The following GBX1 variants were observed in gnomAD, a reference collection of about 807,000 sequenced individuals.
The protein encoded by GBX1 is homeobox protein GBX-1.
A neutral mutation model predicts 22.9 loss-of-function variants in GBX1; 9 were observed. The observed-to-expected ratio is 0.39, with a 90% CI of 0.24 to 0.69. The LOEUF is 0.69. Ranked by LOEUF, GBX1 falls within the 30% of genes least tolerant of loss-of-function variation. The pLI, the probability that GBX1 is intolerant of heterozygous loss-of-function variation, is 0.43. For synonymous variants in GBX1, 203 were observed against 227.3 expected, an observed-to-expected ratio of 0.89 and a Z score of 0.96; for missense variants, 494 against 509.2, an observed-to-expected ratio of 0.97 and a Z score of 0.29.
rs1481373857 is a variant in GBX1, at chr7:151,148,130, CAG to C, written c.*457_*458del. On this transcript the variant is annotated 3_prime_UTR_variant, in exon 2 of 2. Coordinates refer to ENST00000297537, the MANE Select transcript of GBX1 (RefSeq NM_001098834.3). The surrounding 1 kb of genome is among the most constrained non-coding windows in gnomAD (Gnocchi z 5.1). ...ACTTTCCCAATCCCTCTCAGGGGTG[CAG>C]ACAGACGTACAGAGACAGATAGCTC... Among the ~76,000 whole-genome samples the C allele has an allele frequency of 6.6e-6, 1 of 152,162 alleles. No homozygotes were observed. Among genetic ancestry groups the C allele is most frequent in the Admixed American group, 6.5e-5 (1 of 15,278 alleles).
At position 151,167,483 on chromosome 7, in the gene GBX1, G is replaced by T. The variant is rs1357006748; in HGVS notation, c.66C>A (p.Gly22=). 9 of 1,492,432 alleles carry T rather than the reference G, an allele frequency of 6.0e-6. No homozygotes were observed. Among genetic ancestry groups the T allele is most frequent in the Non-Finnish European group, 7.1e-6 (8 of 1,128,638 alleles). 92.4% of individuals were successfully genotyped at this position (1,492,432 alleles called of 1,614,324 possible). ...TTAGGGAGTCGATGGAGAAGGCAGT[G>T]CCCGGGCCCCCGCCGCCGCCCCCGC... is the stretch of plus-strand genomic sequence containing the variant. ...GNGGGGGGGP[G]TAFSIDSLIG... The change falls in exon 1 of 2, where the codon GGC becomes GGA. Residue 22 remains glycine (G), a synonymous_variant. Transcript: ENST00000297537. This position sits in a 1 kb window ranked among gnomAD's most constrained non-coding sequence, Gnocchi z 5.9.
rs553028204 is a variant in GBX1, at chr7:151,151,041, C to T, written c.539-1899G>A. Among the ~76,000 whole-genome samples the T allele has an allele frequency of 1.3e-3, 196 of 152,302 alleles. 3 individuals carry two copies. Among genetic ancestry groups the T allele is most frequent in the African/African-American group, 4.5e-3 (185 of 41,566 alleles). ...GCCACTGCGCCCAGCTGACATTTTC[C>T]TTAGTGGCCAGAACTCTCAACCTTT... On this transcript the variant is annotated intron_variant, in intron 1 of 1. Coordinates refer to ENST00000297537, the MANE Select transcript of GBX1 (RefSeq NM_001098834.3).
At position 151,154,206 on chromosome 7, in the gene GBX1, C is replaced by T. The variant is rs114769886; in HGVS notation, c.539-5064G>A. ...AGCCTGGGCGACAGAGTCTCTGTCT[C>T]GAAAAAAAAAAGTAAATTTCCAATT... is the stretch of plus-strand genomic sequence containing the variant. On this transcript the variant is annotated intron_variant, in intron 1 of 1. Transcript: ENST00000297537. Among the ~76,000 whole-genome samples, 524 of 147,118 alleles carry T rather than the reference C, an allele frequency of 3.6e-3. 5 individuals carry two copies. Among genetic ancestry groups the T allele is most frequent in the African/African-American group, 0.012 (489 of 39,896 alleles).
In GBX1 at chr7:151,167,358, G is replaced by A; in HGVS notation, c.191C>T (p.Ala64Val). 6.6e-7 allele frequency: 1 copy of A among 1,508,898 alleles called. No homozygotes were observed. The highest frequency in any genetic ancestry group is 2.2e-5 in the Admixed American group (1 of 45,026). The allele number at this position is 1,508,898 out of a possible 1,614,324, so 93.5% of individuals were successfully genotyped here. A position where few individuals can be genotyped will look rare whatever the true frequency, so the allele number is the denominator to read the frequency against. The change falls in exon 1 of 2, where the codon GCG becomes GTG. Residue 64 changes from alanine (A) to valine (V), a missense_variant. By Grantham distance (64) the Ala-to-Val change is moderately conservative. Around this residue, in one of 3 missense-constraint regions of GBX1, gnomAD observed 365 missense variants for 340.4 expected, o/e 1.07. Transcript: ENST00000297537. This position sits in a 1 kb window ranked among gnomAD's most constrained non-coding sequence, Gnocchi z 5.9. ...PLVLPQALAP[A>V]PLPAGLPPLA... ...GGGCGGGAGGCCAGCGGGCAGCGGC[G>A]CAGGGGCCAGCGCCTGCGGCAGCAC...
chr7:151,150,770 G>C (rs1322643483), intron 1 of GBX1, among the ~76,000 whole-genome samples: 1 of 151,968 alleles, frequency 6.6e-6, no homozygotes, highest in Admixed American at 6.6e-5. Context: ...CTCTCACTCT[G>C]TCAGCAAGGC....
intron 1 of GBX1, among the ~76,000 whole-genome samples, chr7:151,165,335 A>T (rs1801237740): frequency 6.6e-6 from 1 of 152,220 alleles, no homozygotes; most frequent in East Asian, 1.9e-4. Context: ...GTTGTCCCAC[A>T]GTTTGGGCAT....
chr7:151,167,619 C>A lies in GBX1; in HGVS notation c.-71G>T. 8.2e-7 allele frequency: 1 copy of A among 1,222,818 alleles called. No individual in the cohort carries two copies. The highest frequency in any genetic ancestry group is 1.0e-6 in the Non-Finnish European group (1 of 986,014). The allele number at this position is 1,222,818 out of a possible 1,614,324, so 75.7% of individuals were successfully genotyped here. A position where few individuals can be genotyped will look rare whatever the true frequency, so the allele number is the denominator to read the frequency against. ...CTCCGTGCGCCCCGCGGCTCGGGCG[C>A]CCCGCGCGGACACGCAGGGCTCGCT... is the stretch of plus-strand genomic sequence containing the variant. On this transcript the variant is annotated 5_prime_UTR_variant, in exon 1 of 2. Transcript: ENST00000297537. This position sits in a 1 kb window ranked among gnomAD's most constrained non-coding sequence, Gnocchi z 5.9.
intron 1 of GBX1, among the ~76,000 whole-genome samples, chr7:151,156,385 C>CA (rs56947735): frequency 0.062 from 980 of 15,862 alleles, 252 homozygotes; most frequent in Non-Finnish European, 0.089. Flanking sequence ...GACCCTGTCT[C>CA]AAAAAAAAAA....
Position 151,167,415 on chromosome 7 carries a change from C to A in GBX1, c.134G>T (p.Gly45Val). 1 of 1,519,746 alleles carries A rather than the reference C, an allele frequency of 6.6e-7. No homozygotes were observed. The allele number at this position is 1,519,746 out of a possible 1,614,324, so 94.1% of individuals were successfully genotyped here. Residue 45 changes from glycine to valine, a missense_variant, in exon 1 of 2, where the codon GGC becomes GTC. This residue lies in a region of GBX1 where 365 missense variants were observed against 340.4 expected (regional missense o/e 1.07). Transcript: ENST00000297537. This position sits in a 1 kb window ranked among gnomAD's most constrained non-coding sequence, Gnocchi z 5.9. ...CCGGTAGGGCATGAACATGGGGTAG[C>A]CGGTGTACAGCAAGTGGCCGGAGCG... ...PPRSGHLLYTGYPMFMPYRPL... is the reference protein window; with the variant it reads ...PPRSGHLLYTVYPMFMPYRPL...
chr7:151,161,328 G>A (rs1801186173), intron 1 of GBX1, among the ~76,000 whole-genome samples: 1 of 152,144 alleles, frequency 6.6e-6, no homozygotes, highest in East Asian at 1.9e-4. Context: ...TGCCACCTTA[G>A]AGACTCTTTC....
At chr7:151,157,189 G>A (rs762888059) in intron 1 of GBX1, among the ~76,000 whole-genome samples, 13 of 150,982 alleles carry the variant, frequency 8.6e-5, no homozygotes, top group Non-Finnish European at 1.9e-4. Context: ...CCAGCTACTC[G>A]GGAGGCTGAG....
intron 1 of GBX1, among the ~76,000 whole-genome samples, chr7:151,151,802 G>C (rs866416305): frequency 6.6e-6 from 1 of 152,094 alleles, no homozygotes; most frequent in African/African-American, 2.4e-5. Context: ...TCTTCTAACT[G>C]GTTTCCCAGC....
intron 1 of GBX1, among the ~76,000 whole-genome samples, chr7:151,160,106 A>G (rs1801174970): frequency 6.6e-6 from 1 of 152,234 alleles, no homozygotes; most frequent in African/African-American, 2.4e-5. Context: ...TTCATTAATA[A>G]AGATATCCTT....
In GBX1 at chr7:151,167,096, A is replaced by G. The variant is rs758863054; in HGVS notation, c.453T>C (p.Asp151=). The change falls in exon 1 of 2, where the codon GAT becomes GAC. Residue 151 remains aspartate (D), a synonymous_variant. Transcript: ENST00000297537. This position sits in a 1 kb window ranked among gnomAD's most constrained non-coding sequence, Gnocchi z 5.9. ...CTTTCTCCCGGGCCGGCAGCAGCTC[A>G]TCAGCTTCCAGCCCACCCTCTGGGC... The part of the protein sequence containing the change: ...GRRPEGGLEA[D]ELLPAREKVA... The G allele has an allele frequency of 6.9e-6, 11 of 1,604,566 alleles. No homozygotes were observed. The highest frequency in any genetic ancestry group is 9.3e-6 in the Non-Finnish European group (11 of 1,176,944).
Position 151,167,240 on chromosome 7 carries a change from G to A in GBX1, c.309C>T (p.Thr103=). 1 of 1,552,016 alleles carries A rather than the reference G, an allele frequency of 6.4e-7. No individual in the cohort carries two copies. The highest frequency in any genetic ancestry group is 2.5e-5 in the East Asian group (1 of 40,550). ...QAVPSMVALT[T]ALPSFAEPPD... is the part of the protein sequence containing the mutation. ...GCGGCTCCGCGAAGCTGGGCAGCGC[G>A]GTGGTCAGCGCCACCATCGAGGGCA... is the stretch of plus-strand genomic sequence containing the variant. Residue 103 remains threonine (T), a synonymous_variant, in exon 1 of 2, where the codon ACC becomes ACT. Transcript: ENST00000297537. This position sits in a 1 kb window ranked among gnomAD's most constrained non-coding sequence, Gnocchi z 5.9.
rs753972329 is a variant in GBX1 at position 151,148,836 on chromosome 7, C to G, written c.845G>C (p.Cys282Ser). The G allele has an allele frequency of 1.2e-6, 2 of 1,614,204 alleles. No homozygotes were observed. Among genetic ancestry groups the G allele is most frequent in the South Asian group, 2.2e-5 (2 of 91,078 alleles). Residue 282 changes from cysteine to serine, a missense_variant, in exon 2 of 2, where the codon TGC (cysteine) becomes TCC (serine). This residue lies in a region of GBX1 where 124 missense variants were observed against 152.0 expected (regional missense o/e 0.82). Coordinates refer to ENST00000297537, the MANE Select transcript of GBX1 (RefSeq NM_001098834.3). The surrounding 1 kb of genome is among the most constrained non-coding windows in gnomAD (Gnocchi z 5.1). The part of the protein sequence containing the change: ...QLLELEKEFH[C>S]KKYLSLTERS... ...CTCTGTCAAGCTCAGGTATTTCTTG[C>G]AATGAAATTCCTTCTCCAATTCCAA...
In GBX1 at chr7:151,158,445, T is replaced by TTTTTTG. The variant is rs558142901; in HGVS notation, c.538+8560_538+8565dup. Among the ~76,000 whole-genome samples the TTTTTTG allele has an allele frequency of 7.6e-4, 115 of 151,878 alleles. 1 individual carries two copies. The highest frequency in any genetic ancestry group is 2.7e-3 in the African/African-American group (110 of 41,348). On this transcript the variant is annotated intron_variant, in intron 1 of 1. Transcript: ENST00000297537. ...TTTTTGATAAAGAAACAAGAAGAGT[T>TTTTTTG]TTTTTGTTTTTGTTTTTGTTTTTTT...
rs1801270214 is a variant in GBX1, at chr7:151,167,344, C to T, written c.205G>A (p.Gly69Ser). ...QALAPAPLPAGLPPLAPLASF... is the reference protein window; with the variant it reads ...QALAPAPLPASLPPLAPLASF... ...GCTAGCGGGGCGAGGGGCGGGAGGC[C>T]AGCGGGCAGCGGCGCAGGGGCCAGC... is the stretch of plus-strand genomic sequence containing the variant. Residue 69 changes from glycine (G) to serine (S), a missense_variant, in exon 1 of 2, where the codon GGC becomes AGC. Gly to Ser is a moderately conservative substitution (Grantham distance 56). Coordinates refer to ENST00000297537, the MANE Select transcript of GBX1 (RefSeq NM_001098834.3). This position sits in a 1 kb window ranked among gnomAD's most constrained non-coding sequence, Gnocchi z 5.9. 1.3e-6 allele frequency: 2 copies of T among 1,507,672 alleles called. No individual in the cohort carries two copies. The highest frequency in any genetic ancestry group is 1.5e-5 in the African/African-American group (1 of 68,570). 93.4% of individuals were successfully genotyped at this position (1,507,672 alleles called of 1,614,324 possible).
Position 151,167,021 on chromosome 7 carries a change from T to G in GBX1, c.528A>C (p.Pro176=), listed in dbSNP as rs773517958. 6.2e-6 allele frequency: 10 copies of G among 1,603,588 alleles called. No homozygotes were observed. In the African/African-American group the frequency reaches 1.1e-4, roughly 18 times the overall value. ...GGCCCTAGCACTTACCGGGCAGACTTGGAAAAGTCTCTGAGAAGTGCGGAG... is the reference window on the plus strand; with the variant it reads ...GGCCCTAGCACTTACCGGGCAGACTGGGAAAAGTCTCTGAGAAGTGCGGAG... ...PPPPHFSETF[P]SLPAEGKVYS... Residue 176 remains proline, a synonymous_variant, in exon 1 of 2, where the codon CCA becomes CCC. Coordinates refer to ENST00000297537, the MANE Select transcript of GBX1 (RefSeq NM_001098834.3). This position sits in a 1 kb window ranked among gnomAD's most constrained non-coding sequence, Gnocchi z 5.9.
Sources: gnomAD v4.1 joint callset for allele counts (sites outside exome capture counted in the v4.1 genomes callset) on GRCh38, gnomAD v4.1.1 for gene constraint, gnomAD v4.1.1 regional missense constraint, Gnocchi (gnomAD v3.1) non-coding constraint, MANE v1.5 for transcripts, NCBI Gene and HGNC (gene_info 2026-07-23, HGNC 2026-07-21) for gene names.